The following TRPA1 variants were observed in gnomAD, a reference collection of about 807,000 sequenced individuals.
The protein encoded by TRPA1 is ankyrin-like with transmembrane domains 1.
TRPA1 carries 129 observed loss-of-function variants against 131.3 expected under a neutral mutation model. The ratio of observed to expected loss-of-function variants is 0.98; its 90% CI spans 0.85 to 1.14. TRPA1 has a LOEUF of 1.14. TRPA1 is among the 50% of genes most tolerant of loss of function. The pLI is 0.00. For synonymous variants in TRPA1, 441 were observed against 451.7 expected (o/e 0.98, Z 0.30); for missense variants, 1,304 against 1,354.2 (o/e 0.96, Z 0.58).
the TRPA1 span, among the ~76,000 whole-genome samples, chr8:72,084,886 G>A: frequency 2.6e-5 from 4 of 151,934 alleles, no homozygotes; most frequent in South Asian, 6.2e-4. Context: ...TCCCAACCTC[G>A]TGATCTGCCC....
chr8:72,052,664 G>T lies in TRPA1; in HGVS notation c.1746C>A (p.Ser582=), dbSNP rs1336097257. 5 of 1,613,726 alleles carry T rather than the reference G, an allele frequency of 3.1e-6. No individual in the cohort carries two copies. Among genetic ancestry groups the T allele is most frequent in the Non-Finnish European group, 3.4e-6 (4 of 1,179,854 alleles). The part of the protein sequence containing the change: ...ADIVLNKQQA[S]FLHLALHNKR... ...TATTGTGAAGTGCAAGGTGCAAAAA[G>T]GAGGCCTGCTGCTTGTTCAGGACTA... The change falls in exon 14 of 27, where the codon TCC becomes TCA. Residue 582 remains serine (S), a synonymous_variant. Transcript: ENST00000262209.
At chr8:72,036,263 T>C (rs566866733) in intron 21 of TRPA1, 25 bp downstream of exon 21, 1 of 1,611,480 alleles carries the variant, frequency 6.2e-7, no homozygotes, top group East Asian at 2.2e-5. Flanking sequence ...TTAAAGGATG[T>C]GGAAATAATT....
At chr8:72,037,500 C>T (rs1375370019) in intron 20 of TRPA1, among the ~76,000 whole-genome samples, 2 of 151,858 alleles carry the variant, frequency 1.3e-5, no homozygotes, top group African/African-American at 4.8e-5. Flanking sequence ...AAAAATTTTG[C>T]TGTAAAAAGT....
intron 14 of TRPA1, 24 bp from the exon 15 acceptor site, chr8:72,050,895 T>A (rs1805487294): frequency 6.7e-7 from 1 of 1,482,736 alleles, no homozygotes; most frequent in East Asian, 2.3e-5. Context: ...ATAAGTAAGA[T>A]AAGCACAGGT....
upstream of TRPA1, among the ~76,000 whole-genome samples, chr8:72,077,579 T>A (rs1437425855): frequency 2.6e-5 from 4 of 152,208 alleles, no homozygotes; most frequent in Non-Finnish European, 5.9e-5. Flanking sequence ...GTTTAATTTT[T>A]AAAAAATATT....
chr8:72,050,699 AATT>A lies in TRPA1; in HGVS notation c.1905+76_1905+78del, dbSNP rs375434887. 5.0e-4 allele frequency: 494 copies of A among 983,208 alleles called. 6 individuals are homozygous for A. In the African/African-American group the frequency reaches 6.6e-3, roughly 13 times the overall value. The allele number at this position is 983,208 out of a possible 1,614,324, so 60.9% of individuals were successfully genotyped here. ...ATGAGAAGCTTTGTTTAAAGCTGGA[AATT>A]ATTATTATTAGGTTGTGATTACAAC... is the stretch of plus-strand genomic sequence containing the variant. On this transcript the variant is annotated intron_variant, in intron 15 of 26. Transcript: ENST00000262209.
chr8:72,063,936 T>C (rs1805870275), intron 4 of TRPA1, among the ~76,000 whole-genome samples: 1 of 152,180 alleles, frequency 6.6e-6, no homozygotes, highest in East Asian at 1.9e-4. Context: ...CCTAGATTCT[T>C]TTCCCTTTAT....
chr8:72,062,957 A>G lies in TRPA1; in HGVS notation c.662-13T>C. ...CCATGCTCTTCACCTTGAGAAGAAA[A>G]TAACATTCAACATAACAAATATATA... On this transcript the variant is annotated splice_polypyrimidine_tract_variant and intron_variant, in intron 5 of 26. Coordinates refer to ENST00000262209, the MANE Select transcript of TRPA1 (RefSeq NM_007332.3). The G allele has an allele frequency of 6.2e-7, 1 of 1,611,786 alleles. No individual in the cohort carries two copies. The highest frequency in any genetic ancestry group is 8.5e-7 in the Non-Finnish European group (1 of 1,178,342).
chr8:72,086,142 C>T, the TRPA1 span, among the ~76,000 whole-genome samples: 4 of 152,208 alleles, frequency 2.6e-5, no homozygotes, highest in Admixed American at 6.5e-5. Context: ...ATCTCGTGAT[C>T]CACCCGCCTC....
At chr8:72,059,491 A>G (rs1039136840) in intron 7 of TRPA1, 53 bp from the exon 8 acceptor site, 3 of 1,097,018 alleles carry the variant, frequency 2.7e-6, no homozygotes, top group Non-Finnish European at 4.0e-6. Flanking sequence ...GATGTAAATA[A>G]AATGTATTTA....
rs1463220042 is a variant in TRPA1, at chr8:72,069,163, G to T, written c.304C>A (p.Leu102Met). The change falls in exon 3 of 27, where the codon CTG becomes ATG. Residue 102 changes from leucine to methionine, a missense_variant. Coordinates refer to ENST00000262209, the MANE Select transcript of TRPA1 (RefSeq NM_007332.3). ...HEMDDYGNTPLHCAVEKNQIE... is the reference protein window; with the variant it reads ...HEMDDYGNTPMHCAVEKNQIE... ...TGGTTTTTTTCTACAGCACAATGCAGAGGGGTATTTCCATAATCATCCATT... is the reference window on the plus strand; with the variant it reads ...TGGTTTTTTTCTACAGCACAATGCATAGGGGTATTTCCATAATCATCCATT... 1 of 1,614,218 alleles carries T rather than the reference G, an allele frequency of 6.2e-7. No individual in the cohort carries two copies. The highest frequency in any genetic ancestry group is 1.1e-5 in the South Asian group (1 of 91,088).
chr8:72,033,569 G>T (rs1811913283), intron 23 of TRPA1, 75 bp downstream of exon 23: 4 of 1,371,704 alleles, frequency 2.9e-6, no homozygotes, highest in Non-Finnish European at 4.1e-6. Context: ...GAAGATTAAA[G>T]AAGTTAAAAA....
At chr8:72,038,330 T>A (rs1007716518) in intron 19 of TRPA1, among the ~76,000 whole-genome samples, 3 of 152,022 alleles carry the variant, frequency 2.0e-5, no homozygotes, top group East Asian at 3.8e-4. Context: ...AATATGAATC[T>A]GTAGGCCAAT....
intron 19 of TRPA1, among the ~76,000 whole-genome samples, chr8:72,038,423 T>C (rs1262241132): frequency 6.6e-6 from 1 of 152,098 alleles, no homozygotes; most frequent in Non-Finnish European, 1.5e-5. Context: ...TTTTAAAATA[T>C]ATAATTCAGT....
chr8:72,085,392 A>C, the TRPA1 span, among the ~76,000 whole-genome samples: 2 of 152,140 alleles, frequency 1.3e-5, no homozygotes, highest in Admixed American at 6.5e-5. Flanking sequence ...CAGTTTAGTC[A>C]TGTATATAAT....
In TRPA1 at chr8:72,057,860, T is replaced by C. The variant is rs764782265; in HGVS notation, c.994-44A>G. 7.3e-6 allele frequency: 10 copies of C among 1,369,456 alleles called. No individual in the cohort carries two copies. The South Asian group carries it at 1.2e-4, about 16-fold the overall frequency. 84.8% of individuals were successfully genotyped at this position (1,369,456 alleles called of 1,614,324 possible). A position where few individuals can be genotyped will look rare whatever the true frequency, so the allele number is the denominator to read the frequency against. On this transcript the variant is annotated intron_variant, in intron 8 of 26. Transcript: ENST00000262209. ...ATTCAACAAAGAGCTTAGAAACAGATAAATCATAATATATTGTAATCTCTA... is the reference window on the plus strand; with the variant it reads ...ATTCAACAAAGAGCTTAGAAACAGACAAATCATAATATATTGTAATCTCTA...
chr8:72,036,005 C>CAAAAAAAA (rs58197251), intron 21 of TRPA1, among the ~76,000 whole-genome samples: 18 of 44,946 alleles, frequency 4.0e-4, no homozygotes, highest in East Asian at 2.2e-3. Flanking sequence ...TCCCCCTCCA[C>CAAAAAAAA]AAAAAAAAAA....
chr8:72,064,077 T>C (rs1805873904), intron 4 of TRPA1, among the ~76,000 whole-genome samples: 1 of 152,130 alleles, frequency 6.6e-6, no homozygotes, highest in Non-Finnish European at 1.5e-5. Flanking sequence ...TTTCATGTGA[T>C]CCAATCATTT....
At chr8:72,037,303 CAT>C (rs1812089184) in intron 20 of TRPA1, among the ~76,000 whole-genome samples, 1 of 151,774 alleles carries the variant, frequency 6.6e-6, no homozygotes, top group African/African-American at 2.4e-5. Flanking sequence ...GTATAAAAGA[CAT>C]ATGATTTATA....
Sources: gnomAD v4.1 joint callset for allele counts (sites outside exome capture counted in the v4.1 genomes callset) on GRCh38, gnomAD v4.1.1 for gene constraint, MANE v1.5 for transcripts, NCBI Gene and HGNC (gene_info 2026-07-23, HGNC 2026-07-21) for gene names.